Variants in UVRAG observed in about 807,000 individuals in gnomAD.
UVRAG encodes UV radiation resistance-associated gene protein.
Under a neutral mutation model 78.0 loss-of-function variants are expected in UVRAG, and 19 were observed. That is an observed-to-expected ratio of 0.24 (90% confidence interval 0.17 to 0.36). The LOEUF (loss-of-function observed/expected upper bound fraction) is 0.36, where lower values mean the gene tolerates loss of function less well. UVRAG is among the 10% of genes least tolerant of loss of function. The probability of loss-of-function intolerance (pLI) is 1.00; values close to 1 mark genes in which losing one functional copy is unlikely to be tolerated. For missense variants in UVRAG, 740 were observed against 853.8 expected (o/e 0.87, Z 1.66); for synonymous variants, 323 against 324.6 (o/e 1.00, Z 0.05).
intron 13 of UVRAG, among the ~76,000 whole-genome samples, chr11:76,107,056 A>G (rs925785757): frequency 1.3e-5 from 2 of 152,208 alleles, no homozygotes; most frequent in Non-Finnish European, 2.9e-5. Flanking sequence ...TTAGCAACTC[A>G]CAAGGATTGG....
intron 14 of UVRAG, among the ~76,000 whole-genome samples, chr11:76,137,914 A>T (rs895856764): frequency 5.3e-5 from 8 of 151,774 alleles, no homozygotes; most frequent in South Asian, 2.1e-4. Context: ...CTCTAAAAAA[A>T]TTTTTTTTTA....
intron 12 of UVRAG, among the ~76,000 whole-genome samples, chr11:76,022,404 G>T (rs1050247882): frequency 6.6e-6 from 1 of 152,074 alleles, no homozygotes; most frequent in Non-Finnish European, 1.5e-5. Context: ...TCAACTATTA[G>T]TGTAAAACTG....
chr11:75,851,788 C>A, intron 1 of UVRAG, 95 bp from the exon 2 acceptor site: 1 of 907,868 alleles, frequency 1.1e-6, no homozygotes, highest in Non-Finnish European at 1.8e-6. Flanking sequence ...ATGACTGAGA[C>A]AACTTATTAC....
At chr11:76,139,475 T>C (rs974612592) in intron 14 of UVRAG, among the ~76,000 whole-genome samples, 1 of 152,184 alleles carries the variant, frequency 6.6e-6, no homozygotes, top group South Asian at 2.1e-4. Flanking sequence ...ATTTGTTGGG[T>C]GTGTGTAGTT....
chr11:75,943,540 G>A (rs1203483248), intron 6 of UVRAG, among the ~76,000 whole-genome samples: 2 of 152,072 alleles, frequency 1.3e-5, no homozygotes, highest in Non-Finnish European at 2.9e-5. Context: ...TTGCTTTTAT[G>A]CCAAATGTGG....
chr11:75,837,492 GTA>G (rs1945811731), intron 1 of UVRAG: 1 of 152,030 alleles, frequency 6.6e-6, no homozygotes, highest in South Asian at 2.1e-4. Flanking sequence ...TTGTTACGCT[GTA>G]TTGAGTTTTT....
chr11:76,113,086 A>G (rs1186588662), intron 13 of UVRAG, among the ~76,000 whole-genome samples: 4 of 152,212 alleles, frequency 2.6e-5, no homozygotes, highest in African/African-American at 9.7e-5. Context: ...GGTGGAAAAA[A>G]TGGCAGTTAT....
intron 14 of UVRAG, among the ~76,000 whole-genome samples, chr11:76,120,214 T>G (rs1952250353): frequency 6.6e-6 from 1 of 152,254 alleles, no homozygotes; most frequent in African/African-American, 2.4e-5. Flanking sequence ...ATCTGGGCTT[T>G]GTGGTTCCTT....
Position 76,007,572 on chromosome 11 carries a change from G to T in UVRAG, c.950G>T (p.Arg317Leu). The change falls in exon 10 of 15, where the codon CGT (arginine) becomes CTT (leucine). Residue 317 changes from arginine to leucine, a missense_variant. Arg to Leu is a moderately radical substitution (Grantham distance 102). Transcript: ENST00000356136. ...FLKTNAQLTI[R>L]CRQLLSELSY... The stretch of plus-strand genomic sequence containing the variant: ...AAGACTAATGCTCAGTTGACAATTC[G>T]TTGCAGGCAGTTACTCTCTGAGCTT... 6.2e-7 allele frequency: 1 copy of T among 1,613,718 alleles called. No individual in the cohort carries two copies.
chr11:75,818,256 A>AT (rs963112435), intron 1 of UVRAG, among the ~76,000 whole-genome samples: 4 of 151,242 alleles, frequency 2.6e-5, no homozygotes, highest in African/African-American at 9.7e-5. Context: ...TGCAAAATGT[A>AT]TTTTTTTGTG....
At chr11:76,121,455 C>T (rs1952274604) in intron 14 of UVRAG, among the ~76,000 whole-genome samples, 1 of 152,236 alleles carries the variant, frequency 6.6e-6, no homozygotes. Context: ...TTTACTATTG[C>T]CTGCATAGTG....
intron 1 of UVRAG, among the ~76,000 whole-genome samples, chr11:75,816,191 GTA>G (rs1001874756): frequency 6.6e-6 from 1 of 152,286 alleles, no homozygotes; most frequent in Admixed American, 6.5e-5. Context: ...AGGATTTGAT[GTA>G]TATATTCATG....
chr11:75,854,814 G>A (rs1399186026), intron 2 of UVRAG, among the ~76,000 whole-genome samples: 1 of 152,124 alleles, frequency 6.6e-6, no homozygotes, highest in African/African-American at 2.4e-5. Flanking sequence ...TTGGTTTAAG[G>A]GTTTAAGCAT....
At chr11:76,084,638 T>G (rs572416153) in intron 13 of UVRAG, among the ~76,000 whole-genome samples, 2 of 152,326 alleles carry the variant, frequency 1.3e-5, no homozygotes, top group African/African-American at 4.8e-5. Context: ...ATATATATAG[T>G]GTTTTGTGGA....
At chr11:75,963,828 TTTTG>T (rs1299146219) in intron 7 of UVRAG, among the ~76,000 whole-genome samples, 11 of 152,162 alleles carry the variant, frequency 7.2e-5, no homozygotes, top group Admixed American at 5.9e-4. Flanking sequence ...TTTATAAGTT[TTTTG>T]TTTGTTTGTT....
At chr11:75,919,161 T>A (rs1809398414) in intron 6 of UVRAG, among the ~76,000 whole-genome samples, 1 of 152,196 alleles carries the variant, frequency 6.6e-6, no homozygotes, top group Non-Finnish European at 1.5e-5. Flanking sequence ...AAGTATAAGG[T>A]ATAACTTTGT....
intron 13 of UVRAG, among the ~76,000 whole-genome samples, chr11:76,071,061 AAAAG>A (rs1174231455): frequency 6.6e-6 from 1 of 152,224 alleles, no homozygotes; most frequent in Non-Finnish European, 1.5e-5. Context: ...TAATAAAAGA[AAAAG>A]AAAGATCCCT....
chr11:76,082,039 A>C (rs1951504534), intron 13 of UVRAG, among the ~76,000 whole-genome samples: 2 of 152,174 alleles, frequency 1.3e-5, no homozygotes, highest in Non-Finnish European at 2.9e-5. Flanking sequence ...TATACAAAAA[A>C]ACAAGGGTAG....
At chr11:75,937,748 T>C (rs560704056) in intron 6 of UVRAG, among the ~76,000 whole-genome samples, 2 of 152,296 alleles carry the variant, frequency 1.3e-5, no homozygotes, top group African/African-American at 4.8e-5. Flanking sequence ...TATTTGTTGG[T>C]ATTCTTGCAT....
Sources: gnomAD v4.1 joint callset for allele counts (sites outside exome capture counted in the v4.1 genomes callset) on GRCh38, gnomAD v4.1.1 for gene constraint, MANE v1.5 for transcripts, NCBI Gene and HGNC (gene_info 2026-07-23, HGNC 2026-07-21) for gene names.